The following CNNM1 variants were observed in gnomAD, a reference collection of about 807,000 sequenced individuals.
CNNM1 encodes the protein metal transporter CNNM1.
CNNM1 carries 44 observed loss-of-function variants against 78.8 expected under a neutral mutation model. The observed-to-expected ratio is 0.56, with a 90% CI of 0.44 to 0.72. The LOEUF is 0.72. Ranked by LOEUF, CNNM1 falls within the 30% of genes least tolerant of loss-of-function variation. CNNM1 has a pLI of 0.00. For synonymous variants in CNNM1, 584 were observed against 581.5 expected, an observed-to-expected ratio of 1.00 and a Z score of -0.06; for missense variants, 1,101 against 1,292.2, an observed-to-expected ratio of 0.85 and a Z score of 2.27.
chr10:99,369,362 T>C (rs974672247), intron 6 of CNNM1, among the ~76,000 whole-genome samples: 3 of 152,238 alleles, frequency 2.0e-5, no homozygotes, highest in South Asian at 2.1e-4. Context: ...AAACCAGGAA[T>C]GTATTTGTTA....
At chr10:99,388,438 C>A in intron 9 of CNNM1, 137 bp downstream of exon 9, 1 of 962,662 alleles carries the variant, frequency 1.0e-6, no homozygotes, top group Non-Finnish European at 1.5e-6. Context: ...CTTACACAGC[C>A]AGGGAAAGGA....
intron 1 of CNNM1, among the ~76,000 whole-genome samples, chr10:99,333,666 T>C (rs1409369373): frequency 2.6e-5 from 4 of 152,266 alleles, no homozygotes; most frequent in Non-Finnish European, 1.5e-5. Context: ...TTTTTAAACA[T>C]CTATACAGTT....
intron 4 of CNNM1, among the ~76,000 whole-genome samples, chr10:99,362,844 C>T (rs886932570): frequency 6.6e-6 from 1 of 152,172 alleles, no homozygotes; most frequent in Non-Finnish European, 1.5e-5. Flanking sequence ...GGTCCTTGCT[C>T]TGCTCTCTGG....
intron 1 of CNNM1, among the ~76,000 whole-genome samples, chr10:99,344,292 A>G (rs1304450611): frequency 7.1e-6 from 1 of 140,112 alleles, no homozygotes; most frequent in Non-Finnish European, 1.5e-5. Context: ...AGATCATGCC[A>G]TTGCACTTCA....
chr10:99,386,503 C>T (rs879688834), intron 7 of CNNM1, among the ~76,000 whole-genome samples: 1 of 152,188 alleles, frequency 6.6e-6, no homozygotes, highest in African/African-American at 2.4e-5. Flanking sequence ...AGTAGTATAA[C>T]TAGAAGCCTG....
At chr10:99,368,686 C>T in intron 6 of CNNM1, 1 of 1,289,404 alleles carries the variant, frequency 7.8e-7, no homozygotes, top group Non-Finnish European at 1.0e-6. Context: ...CCCAGGTAAA[C>T]ATGCATGGGT....
chr10:99,349,889 C>T (rs2030869164), intron 1 of CNNM1, among the ~76,000 whole-genome samples: 1 of 152,134 alleles, frequency 6.6e-6, no homozygotes, highest in Non-Finnish European at 1.5e-5. Context: ...GTCCCAGCTA[C>T]TCGGGAGGCT....
chr10:99,391,749 C>G lies in CNNM1; in HGVS notation c.*233C>G. Reference sequence around the variant, plus strand: ...AAGGAGGTGCCTCTGATAGAACATGCTAGAAATGGTCTTTTCCACAGCATA... The same window carrying G: ...AAGGAGGTGCCTCTGATAGAACATGGTAGAAATGGTCTTTTCCACAGCATA... On this transcript the variant is annotated 3_prime_UTR_variant, in exon 11 of 11. Transcript: ENST00000356713. 4.1e-6 allele frequency: 2 copies of G among 486,990 alleles called. No individual in the cohort carries two copies. The highest frequency in any genetic ancestry group is 1.9e-5 in the African/African-American group (1 of 51,460). The allele number at this position is 486,990 out of a possible 1,614,324, so 30.2% of individuals were successfully genotyped here.
chr10:99,375,102 A>G (rs7084684), intron 6 of CNNM1, among the ~76,000 whole-genome samples: 31,857 of 151,986 alleles, frequency 0.21, 7,174 homozygotes, highest in African/African-American at 0.57. Flanking sequence ...AAGCCTGCTT[A>G]GTTAAGGATG....
chr10:99,340,334 C>T (rs953198014), intron 1 of CNNM1, among the ~76,000 whole-genome samples: 3 of 152,156 alleles, frequency 2.0e-5, no homozygotes, highest in South Asian at 4.1e-4. Flanking sequence ...TTATCTTTCC[C>T]GGGCCATACC....
At chr10:99,351,434 G>A (rs2030943617) in intron 1 of CNNM1, among the ~76,000 whole-genome samples, 2 of 152,194 alleles carry the variant, frequency 1.3e-5, no homozygotes, top group African/African-American at 2.4e-5. Flanking sequence ...CAGGTAGAGA[G>A]GAGAAATAAT....
intron 1 of CNNM1, among the ~76,000 whole-genome samples, chr10:99,334,816 T>C (rs1221614826): frequency 2.0e-5 from 3 of 152,198 alleles, no homozygotes; most frequent in Non-Finnish European, 4.4e-5. Context: ...TTACCATTAA[T>C]TGAGCACCAA....
chr10:99,390,258 T>C (rs1355615531), intron 9 of CNNM1, 48 bp from the exon 10 acceptor site: 1 of 1,345,706 alleles, frequency 7.4e-7, no homozygotes, highest in Non-Finnish European at 1.1e-6. Context: ...TCTTGATGCC[T>C]GAGTGTGTAG....
At chr10:99,364,720 A>G (rs976416949) in intron 5 of CNNM1, among the ~76,000 whole-genome samples, 2 of 152,188 alleles carry the variant, frequency 1.3e-5, no homozygotes, top group Non-Finnish European at 2.9e-5. Context: ...AAGTGACAAA[A>G]AATTGAATTG....
At chr10:99,352,574 G>A (rs2030987261) in intron 1 of CNNM1, among the ~76,000 whole-genome samples, 1 of 152,132 alleles carries the variant, frequency 6.6e-6, no homozygotes, top group African/African-American at 2.4e-5. Context: ...TGGGTATAAA[G>A]TATCTCATTA....
chr10:99,339,599 T>A (rs138264048), intron 1 of CNNM1, among the ~76,000 whole-genome samples: 3 of 152,354 alleles, frequency 2.0e-5, no homozygotes, highest in African/African-American at 7.2e-5. Context: ...GAGAATCTAA[T>A]GCCTGATGAT....
chr10:99,364,056 G>T (rs1051329537), intron 4 of CNNM1, among the ~76,000 whole-genome samples: 1 of 152,002 alleles, frequency 6.6e-6, no homozygotes, highest in Non-Finnish European at 1.5e-5. Context: ...ATTTTATCTT[G>T]ACCTGACTTA....
chr10:99,370,657 C>T (rs969413155), intron 6 of CNNM1, among the ~76,000 whole-genome samples: 2 of 152,134 alleles, frequency 1.3e-5, no homozygotes, highest in South Asian at 2.1e-4. Context: ...ATTCAGTGCT[C>T]GATCGTCCAT....
intron 1 of CNNM1, among the ~76,000 whole-genome samples, chr10:99,354,138 G>A (rs1262414903): frequency 6.6e-6 from 1 of 152,138 alleles, no homozygotes; most frequent in Non-Finnish European, 1.5e-5. Flanking sequence ...CTAGTTATTT[G>A]TTTTGTCATC....
Sources: gnomAD v4.1 joint callset for allele counts (sites outside exome capture counted in the v4.1 genomes callset) on GRCh38, gnomAD v4.1.1 for gene constraint, MANE v1.5 for transcripts, NCBI Gene and HGNC (gene_info 2026-07-23, HGNC 2026-07-21) for gene names.